ASAP1: variants seen among roughly 807,000 people sequenced by gnomAD.
ASAP1 encodes ArfGAP with SH3 domain, ankyrin repeat and PH domain 1.
A neutral mutation model predicts 145.2 loss-of-function variants in ASAP1; 43 were observed. That is an observed-to-expected ratio of 0.30 (90% confidence interval 0.23 to 0.38). The LOEUF is 0.38. Ranked by LOEUF, ASAP1 falls within the 10% of genes least tolerant of loss-of-function variation. The pLI is 1.00. For missense variants in ASAP1, 1,018 were observed against 1,355.3 expected (o/e 0.75, Z 3.91); for synonymous variants, 546 against 515.5 (o/e 1.06, Z -0.80).
chr8:130,284,144 C>T (rs571034496), intron 3 of ASAP1, among the ~76,000 whole-genome samples: 100 of 152,118 alleles, frequency 6.6e-4, no homozygotes, highest in Non-Finnish European at 1.1e-3. Context: ...ATTAAAATGG[C>T]CAACCGAATG....
intron 2 of ASAP1, among the ~76,000 whole-genome samples, chr8:130,372,032 G>C (rs186976126): frequency 8.5e-5 from 13 of 152,302 alleles, no homozygotes; most frequent in Admixed American, 8.5e-4. Context: ...ATATTTAAGA[G>C]GCTTAGGGAT....
chr8:130,098,321 T>A (rs555925984), intron 24 of ASAP1, among the ~76,000 whole-genome samples: 2 of 152,312 alleles, frequency 1.3e-5, no homozygotes, highest in African/African-American at 4.8e-5. Context: ...AACTGAGTTA[T>A]CACTTCACTT....
chr8:130,211,097 T>A (rs1347174414), intron 5 of ASAP1, among the ~76,000 whole-genome samples: 1 of 152,170 alleles, frequency 6.6e-6, no homozygotes, highest in Non-Finnish European at 1.5e-5. Flanking sequence ...AAACCCATGA[T>A]CCTCCAACCA....
chr8:130,409,374 A>G (rs7822259), intron 1 of ASAP1, among the ~76,000 whole-genome samples: 37,555 of 151,998 alleles, frequency 0.25, 5,055 homozygotes, highest in African/African-American at 0.34. Context: ...TTCAGTTTCC[A>G]TATCTGCTGG....
chr8:130,283,235 G>C (rs1385173230), intron 3 of ASAP1, among the ~76,000 whole-genome samples: 1 of 152,130 alleles, frequency 6.6e-6, no homozygotes, highest in Non-Finnish European at 1.5e-5. Context: ...TCTGGACTTA[G>C]CCTTAAAAGA....
At position 130,214,540 on chromosome 8, in the gene ASAP1, A is replaced by G; in HGVS notation, c.405+16T>C. 1 of 1,582,862 alleles carries G rather than the reference A, an allele frequency of 6.3e-7. No individual in the cohort carries two copies. ...AAAGGCTGTAATTCTTTTTACTCACATATGAAATGTCTTACCAGATTTTTC... is the reference window on the plus strand; with the variant it reads ...AAAGGCTGTAATTCTTTTTACTCACGTATGAAATGTCTTACCAGATTTTTC... On this transcript the variant is annotated intron_variant, in intron 5 of 29. Coordinates refer to ENST00000518721, the MANE Select transcript of ASAP1 (RefSeq NM_018482.4).
In ASAP1 at chr8:130,138,752, C is replaced by T. The variant is rs1234988262; in HGVS notation, c.1081-1714G>A. Among the ~76,000 whole-genome samples, 4 of 149,696 alleles carry T rather than the reference C, an allele frequency of 2.7e-5. No homozygotes were observed. The South Asian group carries it at 6.3e-4, about 24-fold the overall frequency. On this transcript the variant is annotated intron_variant, in intron 13 of 29. Coordinates refer to ENST00000518721, the MANE Select transcript of ASAP1 (RefSeq NM_018482.4). ...TCGGGAGGCTGAGGCAGGAGAATCG[C>T]TTGAACTTGGGAGGTGGAGGTTGCA...
intron 3 of ASAP1, among the ~76,000 whole-genome samples, chr8:130,272,051 A>T (rs1006341033): frequency 1.3e-5 from 2 of 152,110 alleles, no homozygotes; most frequent in Non-Finnish European, 2.9e-5. Context: ...TCCAGTCCCA[A>T]ATACTGGGGA....
chr8:130,347,623 C>G (rs6415512), intron 3 of ASAP1, among the ~76,000 whole-genome samples: 115,931 of 152,068 alleles, frequency 0.76, 45,223 homozygotes, highest in African/African-American at 0.93. Flanking sequence ...AGGCTGAAGA[C>G]GAAGACTTAG....
intron 3 of ASAP1, among the ~76,000 whole-genome samples, chr8:130,261,413 A>G (rs750221331): frequency 3.1e-4 from 47 of 152,198 alleles, no homozygotes; most frequent in Non-Finnish European, 5.0e-4. Flanking sequence ...TAACCACCCA[A>G]TAAATTCCAA....
chr8:130,124,631 T>C (rs1256307718), intron 17 of ASAP1, among the ~76,000 whole-genome samples: 1 of 152,224 alleles, frequency 6.6e-6, no homozygotes, highest in Non-Finnish European at 1.5e-5. Context: ...CCAGGAACCA[T>C]TTTGCTTCTG....
At chr8:130,178,874 T>C (rs1452422502) in intron 9 of ASAP1, among the ~76,000 whole-genome samples, 2 of 146,346 alleles carry the variant, frequency 1.4e-5, no homozygotes, top group Non-Finnish European at 3.0e-5. Context: ...GGCAACAGAG[T>C]GAGACTCCGT....
At chr8:130,257,479 A>G (rs1392320188) in intron 3 of ASAP1, among the ~76,000 whole-genome samples, 1 of 152,174 alleles carries the variant, frequency 6.6e-6, no homozygotes, top group African/African-American at 2.4e-5. Flanking sequence ...ATTTCACTTC[A>G]TAAGCTTCTG....
chr8:130,417,552 A>C (rs770687506), intron 1 of ASAP1, among the ~76,000 whole-genome samples: 2 of 152,052 alleles, frequency 1.3e-5, no homozygotes, highest in Non-Finnish European at 2.9e-5. Flanking sequence ...GGAGGGTCCG[A>C]ATTTGCAGAA....
At chr8:130,442,700 T>C (rs1830527230) in intron 1 of ASAP1, among the ~76,000 whole-genome samples, 1 of 152,086 alleles carries the variant, frequency 6.6e-6, no homozygotes, top group African/African-American at 2.4e-5. Flanking sequence ...TGACCATCCT[T>C]CTCCCTGAGC....
chr8:130,112,128 C>T lies in ASAP1; in HGVS notation c.2367G>A (p.Glu789=), dbSNP rs1370583384. 2 of 1,614,134 alleles carry T rather than the reference C, an allele frequency of 1.2e-6. No individual in the cohort carries two copies. Among genetic ancestry groups the T allele is most frequent in the Non-Finnish European group, 1.7e-6 (2 of 1,180,022 alleles). The part of the protein sequence containing the change: ...STDSPTSPTT[E]APPLPPRNAG... ...CGTTCCTAGGAGGCAGAGGGGGAGC[C>T]TCCGTGGTTGGTGATGTGGGCGAGT... Residue 789 remains glutamate (E), a synonymous_variant, in exon 24 of 30, where the codon GAG becomes GAA. Coordinates refer to ENST00000518721, the MANE Select transcript of ASAP1 (RefSeq NM_018482.4).
At chr8:130,347,675 C>T (rs1825777400) in intron 3 of ASAP1, among the ~76,000 whole-genome samples, 1 of 152,210 alleles carries the variant, frequency 6.6e-6, no homozygotes, top group Non-Finnish European at 1.5e-5. Flanking sequence ...CCAAAGCTGA[C>T]TGGAGCAAGG....
At chr8:130,342,385 T>A (rs1825440489) in intron 3 of ASAP1, among the ~76,000 whole-genome samples, 1 of 152,186 alleles carries the variant, frequency 6.6e-6, no homozygotes, top group Non-Finnish European at 1.5e-5. Context: ...AGAGGCCTTC[T>A]GTAAAATACC....
intron 1 of ASAP1, among the ~76,000 whole-genome samples, chr8:130,424,550 G>C (rs1325852233): frequency 6.6e-6 from 1 of 152,146 alleles, no homozygotes; most frequent in Non-Finnish European, 1.5e-5. Flanking sequence ...TCTTCCCAGT[G>C]ACATGCTGGG....
Sources: gnomAD v4.1 joint callset for allele counts (sites outside exome capture counted in the v4.1 genomes callset) on GRCh38, gnomAD v4.1.1 for gene constraint, MANE v1.5 for transcripts, NCBI Gene and HGNC (gene_info 2026-07-23, HGNC 2026-07-21) for gene names.